Variants in CTNND2 observed in about 807,000 individuals in gnomAD.
CTNND2 encodes catenin delta-2.
Under a neutral mutation model 144.4 loss-of-function variants are expected in CTNND2, and 22 were observed. The observed-to-expected ratio is 0.15, with a 90% CI of 0.11 to 0.22. CTNND2 has a LOEUF of 0.22. Ranked by LOEUF, CTNND2 falls within the 10% of genes least tolerant of loss-of-function variation. CTNND2 has a pLI of 1.00. For synonymous variants in CTNND2, 751 were observed against 695.6 expected, an observed-to-expected ratio of 1.08 and a Z score of -1.25; for missense variants, 1,353 against 1,618.8, an observed-to-expected ratio of 0.84 and a Z score of 2.82.
intron 12 of CTNND2, among the ~76,000 whole-genome samples, chr5:11,148,771 AAAC>A (rs1015391795): frequency 1.4e-4 from 22 of 152,040 alleles, no homozygotes; most frequent in African/African-American, 5.3e-4. Context: ...GCTTGGGAGG[AAAC>A]AGGAGGCTAT....
intron 1 of CTNND2, among the ~76,000 whole-genome samples, chr5:11,880,195 C>T (rs1178719622): frequency 1.3e-5 from 2 of 152,082 alleles, no homozygotes; most frequent in Non-Finnish European, 1.5e-5. Context: ...ACATTATGCT[C>T]ATGTGTAAGA....
chr5:11,166,637 A>G (rs1759367525), intron 11 of CTNND2, among the ~76,000 whole-genome samples: 2 of 151,872 alleles, frequency 1.3e-5, no homozygotes, highest in Non-Finnish European at 2.9e-5. Context: ...TGTCACCACT[A>G]CCTCCTCCAC....
intron 9 of CTNND2, among the ~76,000 whole-genome samples, chr5:11,246,722 G>T (rs1298244390): frequency 6.6e-6 from 1 of 151,322 alleles, no homozygotes; most frequent in Admixed American, 6.6e-5. Context: ...TCTGTAGGTG[G>T]GTGGGGGGGT....
chr5:11,510,438 T>C (rs1189620178), intron 3 of CTNND2, among the ~76,000 whole-genome samples: 2 of 152,224 alleles, frequency 1.3e-5, no homozygotes, highest in African/African-American at 2.4e-5. Context: ...TTTTGAGAAG[T>C]ACAATGAGTT....
At chr5:11,292,317 C>T (rs1323302039) in intron 9 of CTNND2, among the ~76,000 whole-genome samples, 2 of 152,094 alleles carry the variant, frequency 1.3e-5, no homozygotes, top group Non-Finnish European at 1.5e-5. Context: ...TGAGGTCATA[C>T]TGGAGTAGGG....
chr5:11,635,573 G>T (rs764092149), intron 2 of CTNND2, among the ~76,000 whole-genome samples: 3 of 152,118 alleles, frequency 2.0e-5, no homozygotes, highest in Admixed American at 6.6e-5. Flanking sequence ...TTCTTTTTCA[G>T]AATTGCCACA....
chr5:11,413,251 T>C (rs537902453), intron 3 of CTNND2, among the ~76,000 whole-genome samples: 15 of 152,292 alleles, frequency 9.8e-5, no homozygotes, highest in Admixed American at 9.2e-4. Flanking sequence ...AATAGTAACA[T>C]ATAACTACAA....
Position 11,177,517 on chromosome 5 carries a change from A to G in CTNND2, c.1976-17758T>C, listed in dbSNP as rs115241629. On this transcript the variant is annotated intron_variant, in intron 11 of 21. Coordinates refer to ENST00000304623, the MANE Select transcript of CTNND2 (RefSeq NM_001332.4). ...TTGTGATTCCAGAATTTTTTAATATAGAAAAATTAATCAAAATATATGTAT... is the reference window on the plus strand; with the variant it reads ...TTGTGATTCCAGAATTTTTTAATATGGAAAAATTAATCAAAATATATGTAT... 8.7e-3 allele frequency among the ~76,000 whole-genome samples: 1,320 copies of G among 152,224 alleles called. 21 individuals are homozygous for G. Among genetic ancestry groups the G allele is most frequent in the African/African-American group, 0.03 (1,239 of 41,566 alleles).
At chr5:11,605,784 A>C (rs1024299215) in intron 2 of CTNND2, among the ~76,000 whole-genome samples, 14 of 152,278 alleles carry the variant, frequency 9.2e-5, no homozygotes, top group African/African-American at 3.4e-4. Context: ...AAAGTGTGCT[A>C]AAATACAGCT....
rs193278464 is a variant in CTNND2 at position 11,090,206 on chromosome 5, C to T, written c.2638-7360G>A. 6.1e-4 allele frequency among the ~76,000 whole-genome samples: 93 copies of T among 152,324 alleles called. 1 individual carries two copies. The highest frequency in any genetic ancestry group is 2.2e-3 in the African/African-American group (90 of 41,558). ...GGTGGCATGTCCGGAGCCACCATAG[C>T]GCTGTGATCATGCTGTGTCAATTTC... On this transcript the variant is annotated intron_variant, in intron 15 of 21. Transcript: ENST00000304623.
chr5:11,405,301 T>C (rs976617994), intron 5 of CTNND2, among the ~76,000 whole-genome samples: 3 of 152,236 alleles, frequency 2.0e-5, no homozygotes, highest in Non-Finnish European at 4.4e-5. Context: ...CTCTTCTTAC[T>C]TGATGCCTTT....
intron 16 of CTNND2, among the ~76,000 whole-genome samples, chr5:11,029,231 T>G (rs1743193249): frequency 6.6e-6 from 1 of 152,244 alleles, no homozygotes; most frequent in African/African-American, 2.4e-5. Context: ...ATTTTTTTAA[T>G]GCACTCTGTC....
rs756552499 is a variant in CTNND2, at chr5:11,794,747, C to T, written c.38-62475G>A. Among the ~76,000 whole-genome samples the T allele has an allele frequency of 2.4e-4, 37 of 152,208 alleles. 1 individual carries two copies. The highest frequency in any genetic ancestry group is 3.4e-3 in the Middle Eastern group (1 of 294). On this transcript the variant is annotated intron_variant, in intron 1 of 21. Transcript: ENST00000304623. ...ATCTTTTCTCCCACGTATGAGTGAT[C>T]GACAGGATATAAAATAAATGCTTAG...
intron 16 of CTNND2, among the ~76,000 whole-genome samples, chr5:11,052,607 C>T (rs952555348): frequency 2.6e-5 from 4 of 152,082 alleles, no homozygotes; most frequent in Admixed American, 6.6e-5. Context: ...CACCTTAAAC[C>T]AGAATTCAAA....
At chr5:11,568,507 T>C (rs1199964225) in intron 2 of CTNND2, among the ~76,000 whole-genome samples, 1 of 152,080 alleles carries the variant, frequency 6.6e-6, no homozygotes, top group East Asian at 1.9e-4. Flanking sequence ...CTCTTTGGAG[T>C]TGATAACTGA....
chr5:11,062,962 G>A (rs1747164925), intron 16 of CTNND2, among the ~76,000 whole-genome samples: 7 of 152,126 alleles, frequency 4.6e-5, no homozygotes, highest in Admixed American at 4.6e-4. Flanking sequence ...CCATGATGAT[G>A]GACAATTCAT....
intron 3 of CTNND2, among the ~76,000 whole-genome samples, chr5:11,437,126 T>C (rs775379788): frequency 2.6e-5 from 4 of 152,244 alleles, no homozygotes; most frequent in Non-Finnish European, 5.9e-5. Flanking sequence ...ACTTAATTAT[T>C]GTTATGTATT....
At chr5:11,249,330 T>C (rs1179718518) in intron 9 of CTNND2, among the ~76,000 whole-genome samples, 1 of 152,192 alleles carries the variant, frequency 6.6e-6, no homozygotes, top group Non-Finnish European at 1.5e-5. Flanking sequence ...AAGAAAGGAC[T>C]CACACCATGG....
intron 1 of CTNND2, among the ~76,000 whole-genome samples, chr5:11,800,568 C>G (rs1271571030): frequency 6.6e-6 from 1 of 152,134 alleles, no homozygotes; most frequent in Non-Finnish European, 1.5e-5. Context: ...GTGTGCCAGA[C>G]ACTCTACTGA....
Sources: allele counts gnomAD v4.1 joint callset (sites outside exome capture counted in the v4.1 genomes callset), GRCh38; gene constraint gnomAD v4.1.1; transcripts MANE v1.5; gene names NCBI Gene and HGNC (gene_info 2026-07-23, HGNC 2026-07-21).